The following UNC80 variants were observed in gnomAD, a reference collection of about 807,000 sequenced individuals.
UNC80 encodes protein unc-80 homolog.
In UNC80, 164 loss-of-function variants were observed where a neutral mutation model predicts 384.6. That is an observed-to-expected ratio of 0.43 (90% CI 0.38 to 0.49). The LOEUF is 0.49. UNC80 is among the 20% of genes least tolerant of loss of function. UNC80 has a pLI of 0.00. For synonymous variants in UNC80, 1,486 were observed against 1,527.8 expected (o/e 0.97, Z 0.64); for missense variants, 3,330 against 4,143.0 (o/e 0.80, Z 5.39).
intron 22 of UNC80, among the ~76,000 whole-genome samples, chr2:209,870,321 C>T (rs1458473295): frequency 6.6e-6 from 1 of 152,178 alleles, no homozygotes; most frequent in Non-Finnish European, 1.5e-5. Flanking sequence ...TAGAGACAAA[C>T]GTTCCAACCT....
intron 47 of UNC80, among the ~76,000 whole-genome samples, chr2:209,953,345 G>A (rs866023040): frequency 6.7e-5 from 10 of 148,202 alleles, no homozygotes; most frequent in Non-Finnish European, 1.5e-4. Context: ...TTGAACCCAG[G>A]CAGAGGTTGT....
At position 209,904,782 on chromosome 2, in the gene UNC80, C is replaced by T. The variant is rs2087973897; in HGVS notation, c.4599C>T (p.Cys1533=). 1 of 1,551,942 alleles carries T rather than the reference C, an allele frequency of 6.4e-7. No individual in the cohort carries two copies. Among genetic ancestry groups the T allele is most frequent in the African/African-American group, 1.4e-5 (1 of 73,164 alleles). Reference sequence around the variant, plus strand: ...TATTCCAGGTGATGATCTTGCTGTGCAATCAGCAGAGTTTCATCTGCACTC... The same window carrying T: ...TATTCCAGGTGATGATCTTGCTGTGTAATCAGCAGAGTTTCATCTGCACTC... ...MSWLHVMILL[C]NQQSFICTHV... The change falls in exon 29 of 65, where the codon TGC becomes TGT. Residue 1533 remains cysteine (C), a synonymous_variant. Transcript: ENST00000673920.
At chr2:209,987,296 A>G (rs1034583738) in intron 61 of UNC80, among the ~76,000 whole-genome samples, 4 of 151,722 alleles carry the variant, frequency 2.6e-5, no homozygotes, top group African/African-American at 9.7e-5. Flanking sequence ...ATAGAAAATT[A>G]CTTCTAGGAT....
chr2:209,814,363 G>C (rs373059528), intron 8 of UNC80, among the ~76,000 whole-genome samples: 4 of 152,026 alleles, frequency 2.6e-5, no homozygotes, highest in Admixed American at 6.5e-5. Flanking sequence ...AGCCTCCTGA[G>C]TAGCTGGGAC....
intron 27 of UNC80, among the ~76,000 whole-genome samples, chr2:209,894,812 C>T (rs1276981829): frequency 6.6e-6 from 1 of 152,140 alleles, no homozygotes; most frequent in Non-Finnish European, 1.5e-5. Flanking sequence ...ATGTAATTCC[C>T]TTGGGGAGGA....
intron 61 of UNC80, among the ~76,000 whole-genome samples, chr2:209,987,532 T>A (rs1317876911): frequency 6.6e-6 from 1 of 152,204 alleles, no homozygotes; most frequent in African/African-American, 2.4e-5. Flanking sequence ...CACATATCCA[T>A]GGACATGTTT....
Position 209,921,631 on chromosome 2 carries a change from C to T in UNC80, c.5475C>T (p.Thr1825=). 1.9e-6 allele frequency: 3 copies of T among 1,551,634 alleles called. No individual in the cohort carries two copies. Among genetic ancestry groups the T allele is most frequent in the Non-Finnish European group, 2.6e-6 (3 of 1,146,964 alleles). ...EASLITAIPI[T]QEACYEPTCT... ...GCCTCATCACTGCCATCCCCATCAC[C>T]CAGGAGGCTTGCTATGAGCCCACAT... Residue 1825 remains threonine, a synonymous_variant, in exon 34 of 65, where the codon ACC becomes ACT. Coordinates refer to ENST00000673920, the MANE Select transcript of UNC80 (RefSeq NM_001371986.1).
At chr2:209,847,513 A>G (rs2082255026) in intron 21 of UNC80, among the ~76,000 whole-genome samples, 1 of 152,046 alleles carries the variant, frequency 6.6e-6, no homozygotes, top group Non-Finnish European at 1.5e-5. Context: ...TCTGACCTGT[A>G]ATAAATATAT....
chr2:209,847,000 G>A (rs2082216905), intron 21 of UNC80, among the ~76,000 whole-genome samples: 1 of 152,042 alleles, frequency 6.6e-6, no homozygotes, highest in Non-Finnish European at 1.5e-5. Context: ...GAGTATAAAA[G>A]TCTGACCTTC....
chr2:209,992,775 T>A (rs1234612724), intron 62 of UNC80, among the ~76,000 whole-genome samples: 1 of 152,232 alleles, frequency 6.6e-6, no homozygotes, highest in Non-Finnish European at 1.5e-5. Flanking sequence ...TCTTTCTCAT[T>A]TCAAGATTAT....
rs938381329 is a variant in UNC80, at chr2:209,839,999, G to A, written c.3251-543G>A. Among the ~76,000 whole-genome samples, 2 of 152,170 alleles carry A rather than the reference G, an allele frequency of 1.3e-5. No homozygotes were observed. The highest frequency in any genetic ancestry group is 2.9e-5 in the Non-Finnish European group (2 of 68,030). On this transcript the variant is annotated intron_variant, in intron 19 of 64. Coordinates refer to ENST00000673920, the MANE Select transcript of UNC80 (RefSeq NM_001371986.1). The surrounding 1 kb of genome is among the most constrained non-coding windows in gnomAD (Gnocchi z 4.1). ...GGGGACAAGTGGCGGTATGACTATA[G>A]TAGAATGATAGGGGCCAGATCAGGT...
intron 61 of UNC80, among the ~76,000 whole-genome samples, chr2:209,985,782 CT>C (rs1343324255): frequency 6.6e-6 from 1 of 152,156 alleles, no homozygotes; most frequent in Non-Finnish European, 1.5e-5. Flanking sequence ...CAGGTTTGCA[CT>C]ATCTAGTGAG....
chr2:209,971,983 T>C, intron 54 of UNC80, among the ~76,000 whole-genome samples: 1 of 152,226 alleles, frequency 6.6e-6, no homozygotes, highest in African/African-American at 2.4e-5. Flanking sequence ...ATATTCAAGA[T>C]GTTACTATCT....
intron 52 of UNC80, chr2:209,968,445 G>C (rs1411041158): frequency 6.6e-6 from 1 of 152,074 alleles, no homozygotes; most frequent in South Asian, 2.1e-4. Flanking sequence ...CAATTCATCA[G>C]AATTTTTCAG....
rs73984310 is a variant in UNC80, at chr2:209,931,431, T to C, written c.5994+377T>C. ...CACACACACACAGATGCAACTGTTG[T>C]CCTAGATGGAAAGTTTTTGTGTATA... On this transcript the variant is annotated intron_variant, in intron 38 of 64. Transcript: ENST00000673920. Among the ~76,000 whole-genome samples, 526 of 145,988 alleles carry C rather than the reference T, an allele frequency of 3.6e-3. 3 individuals carry two copies. The highest frequency in any genetic ancestry group is 0.013 in the African/African-American group (498 of 39,830).
At chr2:209,913,624 A>G (rs1012662289) in intron 30 of UNC80, among the ~76,000 whole-genome samples, 178 bp from the exon 31 acceptor site, 1 of 152,138 alleles carries the variant, frequency 6.6e-6, no homozygotes, top group African/African-American at 2.4e-5. Context: ...TGCTTCAGTT[A>G]TAAGGTATAA....
intron 4 of UNC80, among the ~76,000 whole-genome samples, chr2:209,780,802 T>C (rs1462096023): frequency 1.3e-5 from 2 of 152,212 alleles, no homozygotes; most frequent in Admixed American, 6.5e-5. Context: ...TCCCTACCCA[T>C]GTAAACTTCC....
chr2:209,826,905 A>AT (rs35734916), intron 14 of UNC80, among the ~76,000 whole-genome samples: 1 of 152,066 alleles, frequency 6.6e-6, no homozygotes, highest in African/African-American at 2.4e-5. Context: ...ATGCCAGCCC[A>AT]TTTTTCCTTG....
At chr2:209,914,054 C>A in intron 31 of UNC80, 114 bp downstream of exon 31, 1 of 1,272,046 alleles carries the variant, frequency 7.9e-7, no homozygotes, top group South Asian at 1.6e-5. Context: ...AAGTTAATGG[C>A]AATTGCTATA....
Sources: allele counts gnomAD v4.1 joint callset (sites outside exome capture counted in the v4.1 genomes callset), GRCh38; gene constraint gnomAD v4.1.1; non-coding constraint Gnocchi (gnomAD v3.1); transcripts MANE v1.5; gene names NCBI Gene and HGNC (gene_info 2026-07-23, HGNC 2026-07-21).